Variants in PGGT1B observed in about 807,000 individuals in gnomAD.
PGGT1B encodes the protein geranylgeranyl transferase type-1 subunit beta.
In PGGT1B, 30 loss-of-function variants were observed where a neutral mutation model predicts 46.1. The observed-to-expected ratio is 0.65, with a 90% confidence interval of 0.49 to 0.88. PGGT1B has a LOEUF of 0.88. Among genes scored for constraint, PGGT1B ranks in the 40% least tolerant of loss-of-function variants. PGGT1B has a pLI of 0.00. For missense variants in PGGT1B, 376 were observed against 455.9 expected, an observed-to-expected ratio of 0.82 and a Z score of 1.60; for synonymous variants, 170 against 160.0, an observed-to-expected ratio of 1.06 and a Z score of -0.47.
intron 2 of PGGT1B, among the ~76,000 whole-genome samples, chr5:115,244,752 A>G (rs1473860500): frequency 6.6e-6 from 1 of 151,526 alleles, no homozygotes; most frequent in Non-Finnish European, 1.5e-5. Flanking sequence ...TACCACGCCC[A>G]GCTAATTTTT....
chr5:115,262,081 G>A (rs1748580389), intron 1 of PGGT1B, among the ~76,000 whole-genome samples: 1 of 152,212 alleles, frequency 6.6e-6, no homozygotes, highest in Non-Finnish European at 1.5e-5. Context: ...CAGCAATGCG[G>A]AGCAAAGATT....
At position 115,234,049 on chromosome 5, in the gene PGGT1B, G is replaced by GA. The variant is rs549227999; in HGVS notation, c.612+2340dup. On this transcript the variant is annotated intron_variant, in intron 5 of 8. Transcript: ENST00000419445. ...TATATGCTCTAAATGTAGAATAGCT[G>GA]AAAAAAACCATGGTACATCTGCACA... Among the ~76,000 whole-genome samples the GA allele has an allele frequency of 9.4e-4, 143 of 151,482 alleles. 1 individual carries two copies. Among genetic ancestry groups the GA allele is most frequent in the African/African-American group, 3.4e-3 (139 of 41,386 alleles).
At chr5:115,238,103 A>ACC in intron 3 of PGGT1B, 94 bp from the exon 4 acceptor site, 1 of 839,078 alleles carries the variant, frequency 1.2e-6, no homozygotes. Flanking sequence ...AAATAGTAAA[A>ACC]TTAAATATGG....
At position 115,236,250 on chromosome 5, in the gene PGGT1B, T is replaced by C. The variant is rs1466525557; in HGVS notation, c.612+140A>G. Reference sequence around the variant, plus strand: ...TTAAGATTATTTCTTTATTGTGTTCTGATACACAATTTACCAAAAAGCAAT... The same window carrying C: ...TTAAGATTATTTCTTTATTGTGTTCCGATACACAATTTACCAAAAAGCAAT... On this transcript the variant is annotated intron_variant, in intron 5 of 8. Transcript: ENST00000419445. 4 of 615,552 alleles carry C rather than the reference T, an allele frequency of 6.5e-6. No individual in the cohort carries two copies. In the African/African-American group the frequency reaches 7.8e-5, roughly 12 times the overall value. The allele number at this position is 615,552 out of a possible 1,614,324, so 38.1% of individuals were successfully genotyped here.
At chr5:115,221,740 T>C in intron 7 of PGGT1B, 84 bp downstream of exon 7, 5 of 759,422 alleles carry the variant, frequency 6.6e-6, no homozygotes, top group Non-Finnish European at 2.0e-6. Context: ...CAATATTTAA[T>C]ACACATTACA....
At chr5:115,237,465 C>A (rs117629790) in intron 4 of PGGT1B, among the ~76,000 whole-genome samples, 1 of 152,114 alleles carries the variant, frequency 6.6e-6, no homozygotes, top group African/African-American at 2.4e-5. Context: ...CTCTGGAATA[C>A]AATATTCAGT....
At chr5:115,237,488 C>T (rs1221010314) in intron 4 of PGGT1B, among the ~76,000 whole-genome samples, 1 of 152,168 alleles carries the variant, frequency 6.6e-6, no homozygotes, top group East Asian at 1.9e-4. Flanking sequence ...TCACCCCTTT[C>T]TTCCCTAATC....
intron 4 of PGGT1B, 63 bp downstream of exon 4, chr5:115,237,795 C>T: frequency 7.2e-7 from 1 of 1,380,290 alleles, no homozygotes; most frequent in African/African-American, 1.4e-5. Context: ...AGTACTGTAT[C>T]CATTTTTTAG....
At chr5:115,257,530 CAAAAAAA>C (rs1169870044) in intron 1 of PGGT1B, among the ~76,000 whole-genome samples, 2 of 72,082 alleles carry the variant, frequency 2.8e-5, no homozygotes, top group South Asian at 6.4e-4. Context: ...AACTCCATCT[CAAAAAAA>C]AAAAAAAAAA....
At chr5:115,247,597 G>C (rs1747908622) in intron 2 of PGGT1B, among the ~76,000 whole-genome samples, 1 of 152,010 alleles carries the variant, frequency 6.6e-6, no homozygotes, top group South Asian at 2.1e-4. Flanking sequence ...CAATTTCCTA[G>C]TAAGAAGACA....
At chr5:115,216,720 C>A in intron 8 of PGGT1B, 145 bp downstream of exon 8, 1 of 641,974 alleles carries the variant, frequency 1.6e-6, no homozygotes, top group South Asian at 1.8e-5. Context: ...TTATCCTAAG[C>A]TTACACAATA....
chr5:115,241,549 T>C lies in PGGT1B; in HGVS notation c.317A>G (p.Asn106Ser), dbSNP rs751666714. Residue 106 changes from asparagine (N) to serine (S), a missense_variant, in exon 3 of 9, where the codon AAT (asparagine) becomes AGT (serine). Transcript: ENST00000419445. ...CCAAATAGAACCAACCTTTGATGGA[T>C]TGAACGGAATACCCAGGTATGAAGA... ...RGSSYLGIPF[N>S]PSKAPGTAHP... is the part of the protein sequence containing the mutation. 5.5e-5 allele frequency: 88 copies of C among 1,605,090 alleles called. No homozygotes were observed. In the East Asian group the frequency reaches 1.6e-3, roughly 30 times the overall value.
Position 115,204,813 on chromosome 5 carries a change from C to A in PGGT1B, c.*7589G>T, listed in dbSNP as rs937394393. On this transcript the variant is annotated 3_prime_UTR_variant, in exon 9 of 9. Coordinates refer to ENST00000419445, the MANE Select transcript of PGGT1B (RefSeq NM_005023.4). ...AGCAACGTTTATGAGCTGTAAGTAACCTAAGTTTCTCTTAATATGATAAAT... is the reference window on the plus strand; with the variant it reads ...AGCAACGTTTATGAGCTGTAAGTAAACTAAGTTTCTCTTAATATGATAAAT... 10 of 152,102 alleles carry A rather than the reference C, an allele frequency of 6.6e-5. No homozygotes were observed. Among genetic ancestry groups the A allele is most frequent in the African/African-American group, 2.4e-4 (10 of 41,408 alleles). 9.4% of individuals were successfully genotyped at this position (152,102 alleles called of 1,614,324 possible).
chr5:115,235,850 T>C (rs767464420), intron 5 of PGGT1B, among the ~76,000 whole-genome samples: 24 of 152,136 alleles, frequency 1.6e-4, no homozygotes, highest in Non-Finnish European at 2.9e-4. Context: ...GCCTAAAATA[T>C]TCTAACAGCC....
chr5:115,222,040 T>C, intron 6 of PGGT1B, 32 bp from the exon 7 acceptor site: 2 of 1,358,050 alleles, frequency 1.5e-6, no homozygotes. Context: ...CGTTTTAAAC[T>C]TCAAATTAGA....
intron 1 of PGGT1B, among the ~76,000 whole-genome samples, chr5:115,260,482 T>G (rs1332360617): frequency 6.6e-6 from 1 of 152,088 alleles, no homozygotes; most frequent in East Asian, 1.9e-4. Context: ...AGCAGAAACT[T>G]TGTGACCGGT....
intron 1 of PGGT1B, among the ~76,000 whole-genome samples, chr5:115,255,837 C>G (rs1413831712): frequency 1.3e-5 from 2 of 152,040 alleles, no homozygotes; most frequent in East Asian, 3.9e-4. Context: ...ACTAGACAAT[C>G]AAAACTACTC....
At chr5:115,241,752 G>T in intron 2 of PGGT1B, 146 bp from the exon 3 acceptor site, 2 of 522,392 alleles carry the variant, frequency 3.8e-6, no homozygotes, top group Non-Finnish European at 6.7e-6. Context: ...CCATGTGCCA[G>T]GTCCATTCTA....
chr5:115,207,367 C>A lies in PGGT1B; in HGVS notation c.*5035G>T, dbSNP rs376361759. On this transcript the variant is annotated 3_prime_UTR_variant, in exon 9 of 9. Transcript: ENST00000419445. ...CAGAACATTACCAGCACCGCAGAGT[C>A]TCCCTTGTACCCTCTTTCAGTCCTA... 4.0e-5 allele frequency: 6 copies of A among 151,518 alleles called. No individual in the cohort carries two copies. The East Asian group carries it at 1.2e-3, about 29-fold the overall frequency. 9.4% of individuals were successfully genotyped at this position (151,518 alleles called of 1,614,324 possible). A position where few individuals can be genotyped will look rare whatever the true frequency, so the allele number is the denominator to read the frequency against.
Sources: allele counts gnomAD v4.1 joint callset (sites outside exome capture counted in the v4.1 genomes callset), GRCh38; gene constraint gnomAD v4.1.1; transcripts MANE v1.5; gene names NCBI Gene and HGNC (gene_info 2026-07-23, HGNC 2026-07-21).